LUC7L3: variants seen among roughly 807,000 people sequenced by gnomAD.
LUC7L3 encodes LUC7 like 3 pre-mRNA splicing factor.
Under a neutral mutation model 66.8 loss-of-function variants are expected in LUC7L3, and 6 were observed. The observed-to-expected ratio is 0.09, with a 90% confidence interval of 0.05 to 0.18. The LOEUF (loss-of-function observed/expected upper bound fraction) is 0.18. Among genes scored for constraint, LUC7L3 ranks in the 10% least tolerant of loss-of-function variants. LUC7L3 has a pLI of 1.00. For synonymous variants in LUC7L3, 160 were observed against 174.7 expected, an observed-to-expected ratio of 0.92 and a Z score of 0.66; for missense variants, 341 against 531.1, an observed-to-expected ratio of 0.64 and a Z score of 3.52.
At chr17:50,723,978 T>C (rs1968982082) in intron 1 of LUC7L3, 2 of 455,854 alleles carry the variant, frequency 4.4e-6, no homozygotes, top group Non-Finnish European at 8.8e-6. Context: ...AAGTGTTGGC[T>C]TCTCAGAATT....
intron 1 of LUC7L3, among the ~76,000 whole-genome samples, chr17:50,733,912 C>G (rs1306095346): frequency 6.6e-6 from 1 of 152,132 alleles, no homozygotes; most frequent in South Asian, 2.1e-4. Context: ...CACATCCTCC[C>G]TCCCCCAAAT....
intron 5 of LUC7L3, 135 bp from the exon 6 acceptor site, chr17:50,743,571 T>C (rs1297794185): frequency 5.2e-5 from 32 of 612,710 alleles, no homozygotes. Flanking sequence ...CCAGGATAAA[T>C]TAAACCCAAA....
chr17:50,724,780 G>A (rs1364983843), intron 1 of LUC7L3, among the ~76,000 whole-genome samples: 3 of 109,858 alleles, frequency 2.7e-5, no homozygotes, highest in African/African-American at 1.1e-4. Context: ...TTTTACCCCC[G>A]AGATGGAGTC....
chr17:50,719,683 T>C lies in LUC7L3; in HGVS notation c.-50T>C. 6.7e-7 allele frequency: 1 copy of C among 1,501,410 alleles called. No individual in the cohort carries two copies. The highest frequency in any genetic ancestry group is 9.2e-7 in the Non-Finnish European group (1 of 1,089,062). The allele number at this position is 1,501,410 out of a possible 1,614,324, so 93.0% of individuals were successfully genotyped here. On this transcript the variant is annotated 5_prime_UTR_variant, in exon 1 of 10. Transcript: ENST00000505658. ...ATTGGCGACGGTGTCGCCCGTGTTT[T>C]CGTTGGCGGGTGCCTGGGCTGGTGG...
Position 50,750,767 on chromosome 17 carries a change from A to T in LUC7L3, c.*106A>T. 1 of 1,600,062 alleles carries T rather than the reference A, an allele frequency of 6.2e-7. No individual in the cohort carries two copies. Among genetic ancestry groups the T allele is most frequent in the Non-Finnish European group, 8.5e-7 (1 of 1,173,950 alleles). On this transcript the variant is annotated 3_prime_UTR_variant, in exon 10 of 10. Coordinates refer to ENST00000505658, the MANE Select transcript of LUC7L3 (RefSeq NM_016424.5). Reference sequence around the variant, plus strand: ...GACAGTGCAGCGTAAGTATGCACAGATGAAGATGGAACTAAGCCGAGTAAG... The same window carrying T: ...GACAGTGCAGCGTAAGTATGCACAGTTGAAGATGGAACTAAGCCGAGTAAG...
Position 50,744,731 on chromosome 17 carries a change from C to T in LUC7L3, c.611C>T (p.Ala204Val), listed in dbSNP as rs866193717. Reference sequence around the variant, plus strand: ...GGAGCCTTTTTAATAGTAGGAGATGCCCAGTCCCGGGTAGATGACCATTTG... The same window carrying T: ...GGAGCCTTTTTAATAGTAGGAGATGTCCAGTCCCGGGTAGATGACCATTTG... ...VCGAFLIVGD[A>V]QSRVDDHLMG... Residue 204 changes from alanine (A) to valine (V), a missense_variant, in exon 7 of 10, where the codon GCC becomes GTC. Ala to Val is a moderately conservative substitution (Grantham distance 64). This residue lies in a region of LUC7L3 where 17 missense variants were observed against 48.2 expected (regional missense o/e 0.35). Coordinates refer to ENST00000505658, the MANE Select transcript of LUC7L3 (RefSeq NM_016424.5). 1 of 1,613,966 alleles carries T rather than the reference C, an allele frequency of 6.2e-7. No homozygotes were observed. Among genetic ancestry groups the T allele is most frequent in the Non-Finnish European group, 8.5e-7 (1 of 1,179,854 alleles).
Position 50,755,215 on chromosome 17 carries a change from T to A in LUC7L3, c.*4554T>A, listed in dbSNP as rs1219458949. 6.6e-6 allele frequency: 1 copy of A among 152,196 alleles called. No homozygotes were observed. Among genetic ancestry groups the A allele is most frequent in the Non-Finnish European group, 1.5e-5 (1 of 68,018 alleles). The allele number at this position is 152,196 out of a possible 1,614,324, so 9.4% of individuals were successfully genotyped here. A position where few individuals can be genotyped will look rare whatever the true frequency, so the allele number is the denominator to read the frequency against. ...AAAAAAAAGTGTTCAGTGATCTATGTCTCCTACTACTCCTATTTCTCTGTT... is the reference window on the plus strand; with the variant it reads ...AAAAAAAAGTGTTCAGTGATCTATGACTCCTACTACTCCTATTTCTCTGTT... On this transcript the variant is annotated 3_prime_UTR_variant, in exon 10 of 10. Coordinates refer to ENST00000505658, the MANE Select transcript of LUC7L3 (RefSeq NM_016424.5).
At chr17:50,740,467 C>A in intron 3 of LUC7L3, 122 bp downstream of exon 3, 1 of 875,674 alleles carries the variant, frequency 1.1e-6, no homozygotes. Flanking sequence ...CAGTCAGTGG[C>A]TGGGGATAGT....
chr17:50,745,735 A>C lies in LUC7L3; in HGVS notation c.709A>C (p.Arg237=), dbSNP rs1230618531. 6.4e-7 allele frequency: 1 copy of C among 1,573,498 alleles called. No homozygotes were observed. The highest frequency in any genetic ancestry group is 8.6e-7 in the Non-Finnish European group (1 of 1,169,122). ...ATTTTTCTAGGAAAAGTTAAGGAAA[A>C]GAACCGAAGAACCTGATCGTGATGA... The part of the protein sequence containing the change: ...VEELKEKLRK[R]TEEPDRDERL... The change falls in exon 8 of 10, where the codon AGA becomes CGA. Residue 237 remains arginine (R), a synonymous_variant. Coordinates refer to ENST00000505658, the MANE Select transcript of LUC7L3 (RefSeq NM_016424.5).
intron 1 of LUC7L3, among the ~76,000 whole-genome samples, chr17:50,731,951 C>G (rs1017408872): frequency 6.6e-6 from 1 of 152,152 alleles, no homozygotes; most frequent in Non-Finnish European, 1.5e-5. Flanking sequence ...CTGACAAATC[C>G]AGTGTCTTGG....
intron 1 of LUC7L3, among the ~76,000 whole-genome samples, chr17:50,726,845 T>A (rs1386557616): frequency 1.3e-5 from 2 of 152,096 alleles, no homozygotes; most frequent in Non-Finnish European, 2.9e-5. Context: ...ATCCCAGCAC[T>A]TTGGGAGGCC....
At chr17:50,744,086 A>G (rs749082650) in intron 6 of LUC7L3, among the ~76,000 whole-genome samples, 16 of 152,242 alleles carry the variant, frequency 1.1e-4, no homozygotes, top group Non-Finnish European at 2.2e-4. Flanking sequence ...ATAAATTTTC[A>G]TATGAGCCTG....
Position 50,719,687 on chromosome 17 carries a change from T to G in LUC7L3, c.-46T>G. 6.6e-7 allele frequency: 1 copy of G among 1,521,798 alleles called. No individual in the cohort carries two copies. Among genetic ancestry groups the G allele is most frequent in the Non-Finnish European group, 9.0e-7 (1 of 1,106,902 alleles). 94.3% of individuals were successfully genotyped at this position (1,521,798 alleles called of 1,614,324 possible). A position where few individuals can be genotyped will look rare whatever the true frequency, so the allele number is the denominator to read the frequency against. Reference sequence around the variant, plus strand: ...GCGACGGTGTCGCCCGTGTTTTCGTTGGCGGGTGCCTGGGCTGGTGGGAAC... The same window carrying G: ...GCGACGGTGTCGCCCGTGTTTTCGTGGGCGGGTGCCTGGGCTGGTGGGAAC... On this transcript the variant is annotated 5_prime_UTR_variant, in exon 1 of 10. Transcript: ENST00000505658.
chr17:50,734,562 C>G (rs1334279329), intron 1 of LUC7L3, among the ~76,000 whole-genome samples: 2 of 152,310 alleles, frequency 1.3e-5, no homozygotes, highest in East Asian at 3.9e-4. Context: ...TCCTAGCACA[C>G]TACAGCCTCA....
intron 5 of LUC7L3, among the ~76,000 whole-genome samples, chr17:50,742,580 A>AATTGAAAAT (rs1308271235): frequency 2.0e-5 from 3 of 152,164 alleles, no homozygotes; most frequent in African/African-American, 7.2e-5. Flanking sequence ...GCTGGTCTCA[A>AATTGAAAAT]ATTCCTGACC....
At chr17:50,742,540 A>G (rs569611226) in intron 5 of LUC7L3, among the ~76,000 whole-genome samples, 16 of 152,128 alleles carry the variant, frequency 1.1e-4, no homozygotes, top group African/African-American at 3.4e-4. Context: ...TGTATTTTTA[A>G]TAGAGATGGG....
chr17:50,733,274 C>T (rs573579713), intron 1 of LUC7L3, among the ~76,000 whole-genome samples: 3 of 149,744 alleles, frequency 2.0e-5, no homozygotes, highest in East Asian at 1.9e-4. Flanking sequence ...GACAGAGTCT[C>T]GCTCTATCAC....
At chr17:50,735,785 A>C (rs1473680785) in intron 1 of LUC7L3, among the ~76,000 whole-genome samples, 1 of 152,188 alleles carries the variant, frequency 6.6e-6, no homozygotes, top group Non-Finnish European at 1.5e-5. Context: ...GGTGTGAGCC[A>C]CCATGCCTGA....
intron 9 of LUC7L3, among the ~76,000 whole-genome samples, chr17:50,748,807 A>C (rs933654841): frequency 6.6e-6 from 1 of 152,198 alleles, no homozygotes; most frequent in African/African-American, 2.4e-5. Flanking sequence ...TAGAAGTGAT[A>C]TAATTTATTG....
Sources: allele counts gnomAD v4.1 joint callset (sites outside exome capture counted in the v4.1 genomes callset), GRCh38; gene constraint gnomAD v4.1.1; regional missense constraint gnomAD v4.1.1; transcripts MANE v1.5; gene names NCBI Gene and HGNC (gene_info 2026-07-23, HGNC 2026-07-21).